The following CSMD1 variants were observed in gnomAD, a reference collection of about 807,000 sequenced individuals.
CSMD1 encodes CUB and sushi domain-containing protein 1.
In CSMD1, 213 loss-of-function variants were observed where a neutral mutation model predicts 417.5. That is an observed-to-expected ratio of 0.51 (90% CI 0.46 to 0.57). The LOEUF is 0.57. CSMD1 is among the 20% of genes least tolerant of loss of function. The pLI is 0.00. For missense variants in CSMD1, 6,923 were observed against 4,529.7 expected (o/e 1.53, Z -15.17); for synonymous variants, 2,862 against 1,736.8 (o/e 1.65, Z -16.11).
Position 4,688,843 on chromosome 8 carries a change from T to C in CSMD1, c.86-51285A>G, listed in dbSNP as rs76301949. On this transcript the variant is annotated intron_variant, in intron 1 of 69. Transcript: ENST00000635120. ...GCAAGTGGTCTGATGTGATGCCTGTTGTAGACAGGGGAAATGAAGATTGAC... is the reference window on the plus strand; with the variant it reads ...GCAAGTGGTCTGATGTGATGCCTGTCGTAGACAGGGGAAATGAAGATTGAC... 9.9e-3 allele frequency among the ~76,000 whole-genome samples: 1,515 copies of C among 152,342 alleles called. 13 individuals are homozygous for C. Among genetic ancestry groups the C allele is most frequent in the Non-Finnish European group, 0.016 (1,116 of 68,036 alleles).
At chr8:3,800,032 C>G (rs570482584) in intron 5 of CSMD1, among the ~76,000 whole-genome samples, 4 of 152,220 alleles carry the variant, frequency 2.6e-5, no homozygotes, top group South Asian at 4.1e-4. Flanking sequence ...ACTTTTGAAC[C>G]TCAATTCTTT....
intron 3 of CSMD1, among the ~76,000 whole-genome samples, chr8:4,183,738 G>T (rs1003022278): frequency 2.6e-4 from 39 of 152,304 alleles, no homozygotes; most frequent in Non-Finnish European, 4.6e-4. Context: ...CATTTTAAAA[G>T]ATTAGTGAAG....
At chr8:3,241,040 A>C (rs575381608) in intron 26 of CSMD1, among the ~76,000 whole-genome samples, 201 of 148,862 alleles carry the variant, frequency 1.4e-3, no homozygotes, top group African/African-American at 4.5e-3. Context: ...GAGGGAGTAG[A>C]GGTATCTCAT....
chr8:3,340,823 A>G (rs1313916248), intron 23 of CSMD1, among the ~76,000 whole-genome samples: 1 of 152,216 alleles, frequency 6.6e-6, no homozygotes, highest in Non-Finnish European at 1.5e-5. Flanking sequence ...GCTCTAAGAT[A>G]ATCTTGCAAA....
At chr8:3,470,007 C>T (rs1037962760) in intron 11 of CSMD1, among the ~76,000 whole-genome samples, 1 of 151,914 alleles carries the variant, frequency 6.6e-6, no homozygotes, top group Non-Finnish European at 1.5e-5. Context: ...TGTAACAAGC[C>T]AAAAAGCGCA....
chr8:4,280,113 T>G (rs1796698728), intron 3 of CSMD1, among the ~76,000 whole-genome samples: 1 of 152,240 alleles, frequency 6.6e-6, no homozygotes, highest in Non-Finnish European at 1.5e-5. Flanking sequence ...CTCTCTTCAT[T>G]ACACCGTACA....
chr8:3,493,133 A>G (rs1398516731), intron 11 of CSMD1, among the ~76,000 whole-genome samples: 1 of 151,998 alleles, frequency 6.6e-6, no homozygotes, highest in Non-Finnish European at 1.5e-5. Context: ...GTCTCTAATA[A>G]TAATACAAAA....
chr8:3,540,086 C>A (rs924422033), intron 10 of CSMD1, among the ~76,000 whole-genome samples: 2 of 152,174 alleles, frequency 1.3e-5, no homozygotes. Flanking sequence ...ATAGGCTTCT[C>A]TGTGATTCTA....
chr8:4,809,907 G>C (rs532517968), intron 1 of CSMD1, among the ~76,000 whole-genome samples: 1 of 152,076 alleles, frequency 6.6e-6, no homozygotes, highest in Non-Finnish European at 1.5e-5. Flanking sequence ...ATCCAAGTCC[G>C]GCCACTTACC....
At chr8:4,711,190 C>G (rs528770555) in intron 1 of CSMD1, among the ~76,000 whole-genome samples, 1 of 150,600 alleles carries the variant, frequency 6.6e-6, no homozygotes, top group Admixed American at 6.6e-5. Context: ...TTTTATTACT[C>G]ATACTTGGAA....
At chr8:3,468,936 G>A (rs899191758) in intron 11 of CSMD1, 112 bp from the exon 12 acceptor site, 2 of 626,616 alleles carry the variant, frequency 3.2e-6, no homozygotes, top group Non-Finnish European at 5.6e-6. Context: ...TATATAGGTA[G>A]CAAGACCCTC....
intron 5 of CSMD1, among the ~76,000 whole-genome samples, chr8:3,911,479 G>T (rs1357266405): frequency 2.0e-5 from 3 of 148,618 alleles, no homozygotes; most frequent in Admixed American, 6.8e-5. Context: ...AGTGAGCCAA[G>T]ATTGCGCCAC....
At chr8:4,357,797 G>C (rs1039850921) in intron 3 of CSMD1, among the ~76,000 whole-genome samples, 2 of 152,108 alleles carry the variant, frequency 1.3e-5, no homozygotes, top group Admixed American at 6.6e-5. Context: ...GGGAGACAGA[G>C]GAGGAGAAAT....
chr8:3,766,196 G>T (rs1303563728), intron 5 of CSMD1, among the ~76,000 whole-genome samples: 1 of 152,194 alleles, frequency 6.6e-6, no homozygotes, highest in Non-Finnish European at 1.5e-5. Flanking sequence ...ACAGAGGAAT[G>T]AGGCCAGCAC....
At chr8:3,751,488 AAT>A (rs552506629) in intron 6 of CSMD1, among the ~76,000 whole-genome samples, 3 of 148,394 alleles carry the variant, frequency 2.0e-5, no homozygotes, top group Non-Finnish European at 3.0e-5. Context: ...TATATTATAG[AAT>A]ATATATAAAT....
At chr8:3,163,421 A>G (rs1820014227) in intron 37 of CSMD1, among the ~76,000 whole-genome samples, 2 of 151,916 alleles carry the variant, frequency 1.3e-5, no homozygotes, top group South Asian at 2.1e-4. Context: ...AAGGAAAAAA[A>G]AAAAAACAGC....
intron 6 of CSMD1, among the ~76,000 whole-genome samples, chr8:3,725,490 G>A (rs902870596): frequency 6.6e-6 from 1 of 152,154 alleles, no homozygotes; most frequent in African/African-American, 2.4e-5. Context: ...TGATTTTGTG[G>A]GTGATATGAA....
At chr8:3,703,393 C>G (rs961971126) in intron 7 of CSMD1, among the ~76,000 whole-genome samples, 1 of 125,612 alleles carries the variant, frequency 8.0e-6, no homozygotes, top group African/African-American at 3.2e-5. Context: ...ATGAAAGAAT[C>G]TATAGGGCTT....
chr8:4,065,184 C>G (rs1297871227), intron 3 of CSMD1, among the ~76,000 whole-genome samples: 4 of 152,126 alleles, frequency 2.6e-5, no homozygotes, highest in African/African-American at 9.7e-5. Context: ...ACTTCTGATA[C>G]AAACCATTCA....
Sources: allele counts gnomAD v4.1 joint callset (sites outside exome capture counted in the v4.1 genomes callset), GRCh38; gene constraint gnomAD v4.1.1; transcripts MANE v1.5; gene names NCBI Gene and HGNC (gene_info 2026-07-23, HGNC 2026-07-21).